The following PTPRM variants were observed in gnomAD, a reference collection of about 807,000 sequenced individuals.
The protein encoded by PTPRM is receptor-type tyrosine-protein phosphatase mu.
PTPRM carries 47 observed loss-of-function variants against 186.7 expected under a neutral mutation model. That is an observed-to-expected ratio of 0.25 (90% CI 0.20 to 0.32). The LOEUF (loss-of-function observed/expected upper bound fraction) is 0.32. Among genes scored for constraint, PTPRM ranks in the 10% least tolerant of loss-of-function variants. The probability of loss-of-function intolerance (pLI) is 1.00; values close to 1 mark genes in which losing one functional copy is unlikely to be tolerated. For synonymous variants in PTPRM, 668 were observed against 674.9 expected (o/e 0.99, Z 0.16); for missense variants, 1,494 against 1,865.0 (o/e 0.80, Z 3.66).
At chr18:8,378,074 C>T (rs879367693) in intron 26 of PTPRM, 191 bp from the exon 27 acceptor site, 26 of 566,806 alleles carry the variant, frequency 4.6e-5, no homozygotes, top group Non-Finnish European at 6.5e-5. Context: ...GTATTGGGTC[C>T]GATTGGTTTT....
chr18:8,034,089 A>G (rs1201344905), intron 7 of PTPRM, among the ~76,000 whole-genome samples: 1 of 151,786 alleles, frequency 6.6e-6, no homozygotes, highest in African/African-American at 2.4e-5. Flanking sequence ...AGGTCAACCC[A>G]TGTAATCTAG....
At chr18:8,170,884 A>G (rs887268935) in intron 14 of PTPRM, among the ~76,000 whole-genome samples, 11 of 152,202 alleles carry the variant, frequency 7.2e-5, no homozygotes, top group Non-Finnish European at 1.6e-4. Flanking sequence ...TGATTGTCAA[A>G]ACTAGTCCAA....
intron 22 of PTPRM, among the ~76,000 whole-genome samples, chr18:8,328,543 T>C (rs2095392662): frequency 1.3e-5 from 2 of 152,374 alleles, no homozygotes; most frequent in South Asian, 4.1e-4. Context: ...AGGTTATGTT[T>C]TGGATTCATT....
intron 24 of PTPRM, among the ~76,000 whole-genome samples, chr18:8,375,234 G>C (rs534174350): frequency 2.9e-4 from 44 of 152,240 alleles, no homozygotes; most frequent in Non-Finnish European, 5.4e-4. Flanking sequence ...GCTCCCCTTC[G>C]ATTTACTGAC....
chr18:7,668,031 G>A lies in PTPRM; in HGVS notation c.73+100140G>A, dbSNP rs2039136730. Among the ~76,000 whole-genome samples the A allele has an allele frequency of 1.3e-5, 2 of 152,056 alleles. No homozygotes were observed. Among genetic ancestry groups the A allele is most frequent in the South Asian group, 4.1e-4 (2 of 4,834 alleles). ...CGTGCCACAAGTTCTGAGTAAATGT[G>A]GAATCAGGTTGGAAGTCCCAGGGTT... On this transcript the variant is annotated intron_variant, in intron 1 of 32. Transcript: ENST00000580170. This position sits in a 1 kb window ranked among gnomAD's most constrained non-coding sequence, Gnocchi z 4.7.
intron 5 of PTPRM, among the ~76,000 whole-genome samples, chr18:7,942,010 G>A (rs975772583): frequency 1.3e-5 from 2 of 152,184 alleles, no homozygotes; most frequent in Non-Finnish European, 2.9e-5. Flanking sequence ...ATATGGCTGG[G>A]TGCGATGGCT....
intron 23 of PTPRM, among the ~76,000 whole-genome samples, chr18:8,369,200 T>C (rs1467118511): frequency 6.6e-6 from 1 of 152,180 alleles, no homozygotes; most frequent in Non-Finnish European, 1.5e-5. Flanking sequence ...AAGAGAGCTA[T>C]AAAAGATAAG....
At chr18:8,301,984 C>T (rs1006247632) in intron 20 of PTPRM, among the ~76,000 whole-genome samples, 3 of 152,092 alleles carry the variant, frequency 2.0e-5, no homozygotes, top group Non-Finnish European at 2.9e-5. Flanking sequence ...GCCGGAGCAG[C>T]GGGAGTGGGG....
intron 2 of PTPRM, among the ~76,000 whole-genome samples, chr18:7,776,523 T>TTA (rs397818286): frequency 3.3e-5 from 5 of 151,902 alleles, no homozygotes; most frequent in African/African-American, 1.2e-4. Flanking sequence ...TTTTTTTTTT[T>TTA]ACTACTCATT....
intron 29 of PTPRM, among the ~76,000 whole-genome samples, chr18:8,382,939 T>C (rs1245181075): frequency 6.6e-6 from 1 of 152,148 alleles, no homozygotes; most frequent in African/African-American, 2.4e-5. Context: ...AAACAGGTTG[T>C]ATAATAAAGT....
chr18:7,989,781 C>T (rs2147607902), intron 7 of PTPRM, among the ~76,000 whole-genome samples: 1 of 152,282 alleles, frequency 6.6e-6, no homozygotes, highest in South Asian at 2.1e-4. Context: ...CACTGGCCAC[C>T]ATCTGCTCTC....
intron 14 of PTPRM, among the ~76,000 whole-genome samples, chr18:8,175,324 G>A (rs2093464783): frequency 6.6e-6 from 1 of 152,128 alleles, no homozygotes; most frequent in South Asian, 2.1e-4. Context: ...AGTGATGTTT[G>A]TGCTTAAGGA....
intron 3 of PTPRM, among the ~76,000 whole-genome samples, chr18:7,897,548 G>C (rs2049428606): frequency 6.6e-6 from 1 of 152,200 alleles, no homozygotes; most frequent in East Asian, 1.9e-4. Flanking sequence ...TAGGTTGTCA[G>C]TTTAATATTG....
rs562328232 is a variant in PTPRM, at chr18:7,966,506, G to A, written c.1132+11092G>A. ...GTCTACAGCTCCCAGCGTGAGCGAC[G>A]CAGAAGACGGGTGATTTCTGCATTT... On this transcript the variant is annotated intron_variant, in intron 7 of 32. Transcript: ENST00000580170. Among the ~76,000 whole-genome samples the A allele has an allele frequency of 2.6e-5, 4 of 151,932 alleles. No individual in the cohort carries two copies. In the East Asian group the frequency reaches 7.8e-4, roughly 30 times the overall value.
At chr18:7,776,866 T>C (rs1225468510) in intron 2 of PTPRM, among the ~76,000 whole-genome samples, 2 of 152,212 alleles carry the variant, frequency 1.3e-5, no homozygotes, top group Non-Finnish European at 2.9e-5. Flanking sequence ...GGAAACAGCA[T>C]CTTATAAACA....
At chr18:7,773,075 G>A (rs1349715090) in intron 1 of PTPRM, among the ~76,000 whole-genome samples, 1 of 151,954 alleles carries the variant, frequency 6.6e-6, no homozygotes, top group African/African-American at 2.4e-5. Context: ...TGAAACAGCT[G>A]AATTACTATG....
intron 1 of PTPRM, among the ~76,000 whole-genome samples, chr18:7,584,818 C>A (rs1276669346): frequency 6.6e-6 from 1 of 152,230 alleles, no homozygotes; most frequent in Non-Finnish European, 1.5e-5. Flanking sequence ...GACGAGGTAT[C>A]TGTGCCTTCT....
At chr18:7,614,442 G>T (rs2143891184) in intron 1 of PTPRM, among the ~76,000 whole-genome samples, 1 of 152,296 alleles carries the variant, frequency 6.6e-6, no homozygotes, top group South Asian at 2.1e-4. Context: ...AAGGAACCTA[G>T]GAATGTTTGT....
Position 7,949,339 on chromosome 18 carries a change from A to G in PTPRM, c.822A>G (p.Ala274=), listed in dbSNP as rs1345779490. ...GAGGTGTTGGAATATCAAACTATGC[A>G]GAGTTGGTAGTTAAAGGTATTTAAT... The part of the protein sequence containing the change: ...TEGGVGISNY[A]ELVVKEPPVP... Residue 274 remains alanine, a synonymous_variant, in exon 6 of 33, where the codon GCA becomes GCG. Transcript: ENST00000580170. 2 of 1,613,028 alleles carry G rather than the reference A, an allele frequency of 1.2e-6. No homozygotes were observed. The highest frequency in any genetic ancestry group is 3.3e-5 in the Admixed American group (2 of 59,936).
Sources: gnomAD v4.1 joint callset for allele counts (sites outside exome capture counted in the v4.1 genomes callset) on GRCh38, gnomAD v4.1.1 for gene constraint, Gnocchi (gnomAD v3.1) non-coding constraint, MANE v1.5 for transcripts, NCBI Gene and HGNC (gene_info 2026-07-23, HGNC 2026-07-21) for gene names.